STPG2: variants seen among roughly 807,000 people sequenced by gnomAD.
STPG2 encodes sperm tail PG-rich repeat containing 2.
STPG2 carries 56 observed loss-of-function variants against 54.2 expected under a neutral mutation model. The ratio of observed to expected loss-of-function variants is 1.03; its 90% CI spans 0.83 to 1.29. The LOEUF (loss-of-function observed/expected upper bound fraction) is 1.29, where lower values mean the gene tolerates loss of function less well. STPG2 is among the 50% of genes most tolerant of loss of function. The pLI, the probability that STPG2 is intolerant of heterozygous loss-of-function variation, is 0.00. For synonymous variants in STPG2, 200 were observed against 181.8 expected, an observed-to-expected ratio of 1.10 and a Z score of -0.81; for missense variants, 596 against 544.9, an observed-to-expected ratio of 1.09 and a Z score of -0.93.
intron 8 of STPG2, among the ~76,000 whole-genome samples, chr4:97,865,593 T>C (rs1346721148): frequency 2.6e-5 from 4 of 151,722 alleles, no homozygotes; most frequent in Non-Finnish European, 4.4e-5. Context: ...ACTGGGTGTA[T>C]ACCCAGGACA....
At chr4:98,109,867 T>C (rs1739295673) in intron 3 of STPG2, among the ~76,000 whole-genome samples, 1 of 152,136 alleles carries the variant, frequency 6.6e-6, no homozygotes. Context: ...AAATTATTTG[T>C]GACATGAGAA....
intron 5 of STPG2, among the ~76,000 whole-genome samples, chr4:98,095,634 C>A: frequency 6.6e-6 from 1 of 152,076 alleles, no homozygotes; most frequent in East Asian, 1.9e-4. Context: ...ATTATAAATA[C>A]AAATGTGCCC....
intron 4 of STPG2, among the ~76,000 whole-genome samples, chr4:97,444,269 T>C (rs977384710): frequency 2.6e-5 from 4 of 152,068 alleles, no homozygotes; most frequent in African/African-American, 4.8e-5. Context: ...TCAGAGCCAA[T>C]AGAAAGACAT....
chr4:97,822,470 C>T (rs565817485), intron 9 of STPG2, among the ~76,000 whole-genome samples: 9 of 152,320 alleles, frequency 5.9e-5, no homozygotes, highest in Admixed American at 2.0e-4. Flanking sequence ...GTTCCTTCCT[C>T]ATTTAAAGGT....
Position 97,676,088 on chromosome 4 carries a change from T to TAC in STPG2, c.1320+36609_1320+36610dup, listed in dbSNP as rs1722834979. Among the ~76,000 whole-genome samples, 6 of 147,360 alleles carry TAC rather than the reference T, an allele frequency of 4.1e-5. No individual in the cohort carries two copies. The Admixed American group carries it at 4.1e-4, about 10-fold the overall frequency. On this transcript the variant is annotated intron_variant, in intron 10 of 10. Transcript: ENST00000295268. ...AATATATACTATAGTATATAGTATATACTAAATATATACTATATATATGTA... is the reference window on the plus strand; with the variant it reads ...AATATATACTATAGTATATAGTATATACACTAAATATATACTATATATATGTA...
intron 10 of STPG2, among the ~76,000 whole-genome samples, chr4:97,623,946 T>A (rs76506435): frequency 1.3e-5 from 2 of 152,216 alleles, no homozygotes; most frequent in Admixed American, 6.5e-5. Context: ...GCTCCATCCA[T>A]GTCCTTGCAA....
intron 10 of STPG2, among the ~76,000 whole-genome samples, chr4:97,638,716 T>C (rs1316893694): frequency 6.8e-6 from 1 of 147,278 alleles, no homozygotes. Flanking sequence ...AAAGAAGACA[T>C]TTATGCAGCC....
At chr4:97,935,580 CTCTT>C (rs1253322301) in intron 8 of STPG2, among the ~76,000 whole-genome samples, 2 of 152,052 alleles carry the variant, frequency 1.3e-5, no homozygotes, top group Admixed American at 6.6e-5. Context: ...TGTACATTGT[CTCTT>C]TGTTTTCATT....
chr4:97,849,684 T>C (rs1578619499), intron 8 of STPG2, among the ~76,000 whole-genome samples: 1 of 152,064 alleles, frequency 6.6e-6, no homozygotes, highest in African/African-American at 2.4e-5. Context: ...TCATCATCAC[T>C]GGCCATCAGA....
chr4:97,578,057 A>G (rs977567442), intron 10 of STPG2, among the ~76,000 whole-genome samples: 3 of 151,640 alleles, frequency 2.0e-5, no homozygotes, highest in African/African-American at 7.3e-5. Flanking sequence ...GATTTAATTA[A>G]CCTCTCAGTT....
intron 8 of STPG2, among the ~76,000 whole-genome samples, chr4:97,859,870 A>G (rs185135863): frequency 1.3e-5 from 2 of 152,326 alleles, no homozygotes; most frequent in Non-Finnish European, 2.9e-5. Flanking sequence ...CTCAGATTTA[A>G]GTATTTGATC....
chr4:97,874,514 T>A (rs1053499964), intron 8 of STPG2, among the ~76,000 whole-genome samples: 1 of 151,784 alleles, frequency 6.6e-6, no homozygotes, highest in Non-Finnish European at 1.5e-5. Flanking sequence ...TTGTAATCCA[T>A]CCCACCTTCC....
At chr4:97,997,166 T>C (rs970390587) in intron 5 of STPG2, among the ~76,000 whole-genome samples, 1 of 152,214 alleles carries the variant, frequency 6.6e-6, no homozygotes, top group Non-Finnish European at 1.5e-5. Flanking sequence ...CTATACACAA[T>C]AGCAAAGGCA....
chr4:97,709,553 G>T lies in STPG2; in HGVS notation c.1320+3146C>A, dbSNP rs1157703413. ...CAGCAGAATTTTTGCTTTTTTAAGA[G>T]ATATATTTAAATCTTTTCTAATATT... On this transcript the variant is annotated intron_variant, in intron 10 of 10. Transcript: ENST00000295268. Among the ~76,000 whole-genome samples, 3 of 151,440 alleles carry T rather than the reference G, an allele frequency of 2.0e-5. No homozygotes were observed. In the East Asian group the frequency reaches 5.8e-4, roughly 30 times the overall value.
chr4:97,698,259 A>T (rs1723650022), intron 10 of STPG2, among the ~76,000 whole-genome samples: 1 of 152,110 alleles, frequency 6.6e-6, no homozygotes. Flanking sequence ...GGAGTTTCCC[A>T]TTAAGCTTAA....
intron 6 of STPG2, among the ~76,000 whole-genome samples, chr4:97,973,522 A>C (rs2149258216): frequency 6.6e-6 from 1 of 152,358 alleles, no homozygotes; most frequent in East Asian, 1.9e-4. Context: ...AAATTTGCAT[A>C]AGTAATGAGG....
downstream of STPG2, among the ~76,000 whole-genome samples, chr4:97,558,012 A>G (rs904164295): frequency 2.6e-5 from 4 of 152,158 alleles, no homozygotes; most frequent in Admixed American, 2.6e-4. Context: ...CCTTTCCTGC[A>G]TTTTCTTAAC....
At chr4:98,139,043 A>C (rs1454733628) in intron 1 of STPG2, among the ~76,000 whole-genome samples, 3 of 152,162 alleles carry the variant, frequency 2.0e-5, no homozygotes, top group African/African-American at 7.2e-5. Context: ...TACTTTAATA[A>C]GAGATGTTTG....
chr4:97,670,014 G>A (rs1467369686), intron 10 of STPG2, among the ~76,000 whole-genome samples: 1 of 151,614 alleles, frequency 6.6e-6, no homozygotes, highest in Non-Finnish European at 1.5e-5. Context: ...TTTTATTATT[G>A]CTATATTCCT....
Sources: gnomAD v4.1 joint callset for allele counts (sites outside exome capture counted in the v4.1 genomes callset) on GRCh38, gnomAD v4.1.1 for gene constraint, MANE v1.5 for transcripts, NCBI Gene and HGNC (gene_info 2026-07-23, HGNC 2026-07-21) for gene names.